GAS2: variants seen among roughly 807,000 people sequenced by gnomAD.
GAS2 encodes the protein growth arrest-specific protein 2.
Under a neutral mutation model 37.5 loss-of-function variants are expected in GAS2, and 20 were observed. The observed-to-expected ratio is 0.53, with a 90% CI of 0.37 to 0.77. The LOEUF (loss-of-function observed/expected upper bound fraction) is 0.77. Ranked by LOEUF, GAS2 falls within the 30% of genes least tolerant of loss-of-function variation. The pLI is 0.00. For missense variants in GAS2, 336 were observed against 373.4 expected (o/e 0.90, Z 0.82); for synonymous variants, 144 against 132.2 (o/e 1.09, Z -0.61).
chr11:22,713,983 A>AT (rs1297520923), intron 3 of GAS2, among the ~76,000 whole-genome samples: 1 of 152,290 alleles, frequency 6.6e-6, no homozygotes, highest in Admixed American at 6.5e-5. Flanking sequence ...AAAACAGGGT[A>AT]TTCAGGTAAC....
At chr11:22,648,666 A>G (rs1400792281) in intron 1 of GAS2, among the ~76,000 whole-genome samples, 2 of 151,962 alleles carry the variant, frequency 1.3e-5, no homozygotes, top group South Asian at 2.1e-4. Flanking sequence ...ATTCCTAGGT[A>G]TTTTATTCTC....
chr11:22,722,244 C>T (rs1851986428), intron 3 of GAS2, among the ~76,000 whole-genome samples: 1 of 151,754 alleles, frequency 6.6e-6, no homozygotes, highest in Admixed American at 6.6e-5. Flanking sequence ...TGGAAGGGCA[C>T]TTTTGGAATG....
At chr11:22,627,900 A>G (rs1191658502) in intron 1 of GAS2, among the ~76,000 whole-genome samples, 6 of 152,018 alleles carry the variant, frequency 3.9e-5, no homozygotes, top group Non-Finnish European at 7.4e-5. Flanking sequence ...TTTTGCAGGT[A>G]TCTGAGTTGA....
At chr11:22,735,995 T>C (rs1852734799) in intron 4 of GAS2, among the ~76,000 whole-genome samples, 1 of 94,264 alleles carries the variant, frequency 1.1e-5, no homozygotes. Flanking sequence ...TTTTGTACCA[T>C]GGATATGTTA....
intron 5 of GAS2, among the ~76,000 whole-genome samples, chr11:22,738,965 G>A (rs141397061): frequency 6.6e-5 from 10 of 152,268 alleles, no homozygotes; most frequent in African/African-American, 2.4e-4. Context: ...ACATGTGAAG[G>A]TTTTTCTATT....
At chr11:22,672,293 A>G (rs1209116858) in intron 1 of GAS2, among the ~76,000 whole-genome samples, 1 of 152,164 alleles carries the variant, frequency 6.6e-6, no homozygotes, top group Non-Finnish European at 1.5e-5. Context: ...ATCTCTAATT[A>G]TTAGAAGGTA....
intron 1 of GAS2, among the ~76,000 whole-genome samples, chr11:22,643,521 T>A (rs908686252): frequency 6.6e-6 from 1 of 151,982 alleles, no homozygotes; most frequent in African/African-American, 2.4e-5. Flanking sequence ...AGAAATTATT[T>A]TGAAACTACC....
intron 1 of GAS2, among the ~76,000 whole-genome samples, chr11:22,634,392 C>G (rs570644753): frequency 6.6e-6 from 1 of 152,158 alleles, no homozygotes; most frequent in Non-Finnish European, 1.5e-5. Flanking sequence ...AAGAAAAAGT[C>G]TTCTTCCCCA....
chr11:22,785,844 G>C (rs1018524383), intron 7 of GAS2, among the ~76,000 whole-genome samples: 1 of 131,420 alleles, frequency 7.6e-6, no homozygotes, highest in African/African-American at 2.8e-5. Context: ...CTTTTTTCGG[G>C]GAACTGGCAT....
At chr11:22,777,388 A>C (rs946070176) in intron 7 of GAS2, among the ~76,000 whole-genome samples, 1 of 152,220 alleles carries the variant, frequency 6.6e-6, no homozygotes, top group African/African-American at 2.4e-5. Flanking sequence ...AAAATAAGAC[A>C]AAATGAAAAG....
intron 3 of GAS2, among the ~76,000 whole-genome samples, chr11:22,696,137 C>T (rs1850501764): frequency 1.3e-5 from 2 of 148,376 alleles, no homozygotes; most frequent in East Asian, 4.0e-4. Context: ...GTTCCCCTTC[C>T]TGTGTCCATG....
chr11:22,786,888 C>T lies in GAS2; in HGVS notation c.724-24910C>T, dbSNP rs112997819. 4.6e-3 allele frequency among the ~76,000 whole-genome samples: 701 copies of T among 152,226 alleles called. 5 individuals are homozygous for T. Among genetic ancestry groups the T allele is most frequent in the African/African-American group, 0.016 (667 of 41,554 alleles). ...TCTTAAAATCTCATTCTCATAGTCA[C>T]TACCCTATAGATTCTGAACAATGCA... On this transcript the variant is annotated intron_variant, in intron 7 of 7. Transcript: ENST00000454584.
chr11:22,647,743 G>C (rs1197643319), intron 1 of GAS2, among the ~76,000 whole-genome samples: 2 of 152,018 alleles, frequency 1.3e-5, no homozygotes, highest in African/African-American at 4.8e-5. Flanking sequence ...GTCTGTTCAT[G>C]TCCTTCGCCC....
intron 3 of GAS2, among the ~76,000 whole-genome samples, chr11:22,690,801 G>A (rs1036776172): frequency 6.6e-6 from 1 of 152,042 alleles, no homozygotes; most frequent in East Asian, 1.9e-4. Context: ...ACATTTATGC[G>A]TGAACTTTCT....
intron 7 of GAS2, among the ~76,000 whole-genome samples, chr11:22,788,716 TGA>T (rs1855942586): frequency 6.6e-6 from 1 of 152,198 alleles, no homozygotes; most frequent in South Asian, 2.1e-4. Flanking sequence ...TTTATATATT[TGA>T]GAGAGACAAC....
At chr11:22,648,222 T>A (rs1848727538) in intron 1 of GAS2, among the ~76,000 whole-genome samples, 1 of 151,718 alleles carries the variant, frequency 6.6e-6, no homozygotes, top group South Asian at 2.1e-4. Flanking sequence ...TTGTCAAAGA[T>A]CAGATAGTTG....
chr11:22,650,388 T>G (rs1268674034), intron 1 of GAS2, among the ~76,000 whole-genome samples: 1 of 151,850 alleles, frequency 6.6e-6, no homozygotes, highest in African/African-American at 2.4e-5. Flanking sequence ...AAAAAATGTA[T>G]ATTCTGTTGA....
intron 4 of GAS2, among the ~76,000 whole-genome samples, chr11:22,732,416 C>T (rs1449199095): frequency 1.3e-5 from 2 of 151,602 alleles, no homozygotes; most frequent in Non-Finnish European, 1.5e-5. Context: ...TATATGGATG[C>T]CATATTCTAT....
At chr11:22,723,722 G>T (rs1004692318) in intron 3 of GAS2, among the ~76,000 whole-genome samples, 3 of 151,782 alleles carry the variant, frequency 2.0e-5, no homozygotes, top group African/African-American at 7.2e-5. Context: ...GGATATAGGT[G>T]GTAGATCTTA....
Sources: gnomAD v4.1 joint callset for allele counts (sites outside exome capture counted in the v4.1 genomes callset) on GRCh38, gnomAD v4.1.1 for gene constraint, MANE v1.5 for transcripts, NCBI Gene and HGNC (gene_info 2026-07-23, HGNC 2026-07-21) for gene names.